Variants in BTBD9 observed in about 807,000 individuals in gnomAD.
BTBD9 encodes BTB/POZ domain-containing protein 9.
A neutral mutation model predicts 64.3 loss-of-function variants in BTBD9; 49 were observed. The ratio of observed to expected loss-of-function variants is 0.76; its 90% CI spans 0.61 to 0.97. The LOEUF is 0.97. BTBD9 is among the 50% of genes least tolerant of loss of function. BTBD9 has a pLI of 0.00. For missense variants in BTBD9, 598 were observed against 762.1 expected, an observed-to-expected ratio of 0.78 and a Z score of 2.53; for synonymous variants, 260 against 274.7, an observed-to-expected ratio of 0.95 and a Z score of 0.53.
At chr6:38,227,358 G>A (rs1380345626) in intron 9 of BTBD9, among the ~76,000 whole-genome samples, 1 of 152,148 alleles carries the variant, frequency 6.6e-6, no homozygotes, top group East Asian at 1.9e-4. Flanking sequence ...TCTATATGCT[G>A]GTTTTTAATT....
Position 38,593,956 on chromosome 6 carries a change from T to C in BTBD9, c.549+8A>G. ...TGCCTATAAATTACTTGTAGACAAATGACACACCTTAGAAAGGGAGAGGAA... is the reference window on the plus strand; with the variant it reads ...TGCCTATAAATTACTTGTAGACAAACGACACACCTTAGAAAGGGAGAGGAA... On this transcript the variant is annotated splice_region_variant and intron_variant, in intron 3 of 10. Transcript: ENST00000481247. 6.2e-7 allele frequency: 1 copy of C among 1,605,362 alleles called. No individual in the cohort carries two copies. The highest frequency in any genetic ancestry group is 8.5e-7 in the Non-Finnish European group (1 of 1,175,322).
At chr6:38,230,400 C>A (rs899365075) in intron 9 of BTBD9, among the ~76,000 whole-genome samples, 3 of 142,956 alleles carry the variant, frequency 2.1e-5, no homozygotes, top group Non-Finnish European at 3.0e-5. Flanking sequence ...GATGCGGAGG[C>A]AGGAGAATTG....
chr6:38,629,643 G>A (rs879884809), intron 1 of BTBD9, among the ~76,000 whole-genome samples: 2 of 151,702 alleles, frequency 1.3e-5, no homozygotes, highest in Non-Finnish European at 2.9e-5. Context: ...CCAATGTGGT[G>A]AAACCCTGTC....
chr6:38,175,235 G>C (rs987784210), intron 10 of BTBD9, 53 bp from the exon 11 acceptor site: 148 of 1,583,528 alleles, frequency 9.3e-5, no homozygotes, highest in Non-Finnish European at 1.2e-4. Flanking sequence ...ATGCGGCCCT[G>C]GAGTTGCCGC....
intron 6 of BTBD9, among the ~76,000 whole-genome samples, chr6:38,541,251 A>G (rs1254853289): frequency 6.6e-6 from 1 of 152,232 alleles, no homozygotes; most frequent in Non-Finnish European, 1.5e-5. Flanking sequence ...ATTACTGACA[A>G]TAGACAATAA....
Position 38,171,860 on chromosome 6 carries a change from A to AT in BTBD9, c.*3124_*3125insA, listed in dbSNP as rs1766788082. Reference sequence around the variant, plus strand: ...CTTTCTACTCTCAAAAAAAAAAAAAAAAAAAAAAAAAAAAAAAAAAAATAA... The same window carrying AT: ...CTTTCTACTCTCAAAAAAAAAAAAAATAAAAAAAAAAAAAAAAAAAAAATAA... On this transcript the variant is annotated 3_prime_UTR_variant, in exon 11 of 11. Coordinates refer to ENST00000481247, the MANE Select transcript of BTBD9 (RefSeq NM_001099272.2). 1 of 59,374 alleles carries AT rather than the reference A, an allele frequency of 1.7e-5. No homozygotes were observed. The highest frequency in any genetic ancestry group is 1.5e-4 in the Admixed American group (1 of 6,846). The allele number at this position is 59,374 out of a possible 1,614,324, so 3.7% of individuals were successfully genotyped here.
chr6:38,313,836 G>A (rs1422322096), intron 7 of BTBD9, among the ~76,000 whole-genome samples: 13 of 144,356 alleles, frequency 9.0e-5, no homozygotes, highest in Admixed American at 8.8e-4. Context: ...TGCAACCTCC[G>A]CCTCCGGGGT....
chr6:38,356,119 C>T (rs143987547), intron 6 of BTBD9, among the ~76,000 whole-genome samples: 1 of 152,016 alleles, frequency 6.6e-6, no homozygotes, highest in Non-Finnish European at 1.5e-5. Context: ...CCATGTCCTG[C>T]TCTTGGAGCA....
At chr6:38,247,830 G>T (rs745633164) in intron 9 of BTBD9, among the ~76,000 whole-genome samples, 1 of 152,076 alleles carries the variant, frequency 6.6e-6, no homozygotes, top group African/African-American at 2.4e-5. Flanking sequence ...TAATTTTGTT[G>T]ATTTACTGCT....
chr6:38,491,670 C>T (rs541310006), intron 6 of BTBD9, among the ~76,000 whole-genome samples: 1 of 152,116 alleles, frequency 6.6e-6, no homozygotes, highest in East Asian at 1.9e-4. Context: ...AGCCTATTAT[C>T]ACACACCAAT....
chr6:38,601,496 C>A (rs1157072415), intron 1 of BTBD9, among the ~76,000 whole-genome samples: 1 of 151,948 alleles, frequency 6.6e-6, no homozygotes, highest in Non-Finnish European at 1.5e-5. Flanking sequence ...TCATTTGACA[C>A]CAGGAGTTCA....
At chr6:38,285,175 G>T (rs1054972010) in intron 8 of BTBD9, among the ~76,000 whole-genome samples, 1 of 152,186 alleles carries the variant, frequency 6.6e-6, no homozygotes, top group Non-Finnish European at 1.5e-5. Flanking sequence ...TGGGGAACTG[G>T]GGGGCCCAAT....
chr6:38,530,894 GT>G (rs1230964590), intron 6 of BTBD9, among the ~76,000 whole-genome samples: 2 of 152,082 alleles, frequency 1.3e-5, no homozygotes, highest in Non-Finnish European at 2.9e-5. Flanking sequence ...GAAGAATTAA[GT>G]GAGCTTGAAA....
At chr6:38,597,636 G>A (rs962443852) in intron 2 of BTBD9, among the ~76,000 whole-genome samples, 1 of 152,164 alleles carries the variant, frequency 6.6e-6, no homozygotes, top group African/African-American at 2.4e-5. Context: ...CGAAGACTTA[G>A]CCTGAGAAAC....
chr6:38,558,856 A>C (rs1775144474), intron 6 of BTBD9, among the ~76,000 whole-genome samples: 2 of 152,000 alleles, frequency 1.3e-5, no homozygotes, highest in African/African-American at 4.8e-5. Context: ...CTTTTTTCCC[A>C]TATCTTTGCC....
At position 38,192,602 on chromosome 6, in the gene BTBD9, G is replaced by T; in HGVS notation, c.1563-5C>A. The T allele has an allele frequency of 6.2e-7, 1 of 1,613,326 alleles. No homozygotes were observed. The highest frequency in any genetic ancestry group is 1.1e-5 in the South Asian group (1 of 90,976). Reference sequence around the variant, plus strand: ...AAAGTTACTGACTGCCAGGACCTGTGAGAGGAAACAACCATTTGCCTGATT... The same window carrying T: ...AAAGTTACTGACTGCCAGGACCTGTTAGAGGAAACAACCATTTGCCTGATT... On this transcript the variant is annotated splice_polypyrimidine_tract_variant and splice_region_variant and intron_variant, in intron 9 of 10. Coordinates refer to ENST00000481247, the MANE Select transcript of BTBD9 (RefSeq NM_001099272.2).
chr6:38,378,882 A>G (rs1157409831), intron 6 of BTBD9, among the ~76,000 whole-genome samples: 1 of 151,850 alleles, frequency 6.6e-6, no homozygotes, highest in African/African-American at 2.4e-5. Flanking sequence ...TCAAAAAAAA[A>G]AAAAAAGAAA....
At chr6:38,360,684 C>A (rs1400805193) in intron 6 of BTBD9, among the ~76,000 whole-genome samples, 3 of 152,006 alleles carry the variant, frequency 2.0e-5, no homozygotes, top group Non-Finnish European at 4.4e-5. Context: ...GTAACATGTG[C>A]AAAATCTAGG....
chr6:38,547,129 T>C (rs1338487651), intron 6 of BTBD9, among the ~76,000 whole-genome samples: 1 of 152,194 alleles, frequency 6.6e-6, no homozygotes, highest in African/African-American at 2.4e-5. Context: ...TCTCTCTCCT[T>C]GGGCCTCCCT....
Sources: allele counts gnomAD v4.1 joint callset (sites outside exome capture counted in the v4.1 genomes callset), GRCh38; gene constraint gnomAD v4.1.1; transcripts MANE v1.5; gene names NCBI Gene and HGNC (gene_info 2026-07-23, HGNC 2026-07-21).